FAT3: variants seen among roughly 807,000 people sequenced by gnomAD.
FAT3 encodes protocadherin Fat 3.
Under a neutral mutation model 310.2 loss-of-function variants are expected in FAT3, and 95 were observed. The ratio of observed to expected loss-of-function variants is 0.31; its 90% CI spans 0.26 to 0.36. FAT3 has a LOEUF of 0.36. FAT3 is among the 10% of genes least tolerant of loss of function. The pLI is 1.00. For missense variants in FAT3, 5,408 were observed against 5,715.6 expected (o/e 0.95, Z 1.74); for synonymous variants, 2,314 against 2,192.9 (o/e 1.06, Z -1.54).
At chr11:92,462,149 G>C (rs1314220062) in intron 2 of FAT3, among the ~76,000 whole-genome samples, 1 of 151,994 alleles carries the variant, frequency 6.6e-6, no homozygotes, top group Non-Finnish European at 1.5e-5. Flanking sequence ...TTTTGAGGTT[G>C]TTTTTATTTT....
At chr11:92,432,034 G>A (rs1443859131) in intron 2 of FAT3, among the ~76,000 whole-genome samples, 1 of 152,260 alleles carries the variant, frequency 6.6e-6, no homozygotes, top group Non-Finnish European at 1.5e-5. Flanking sequence ...ATTCTGTGAA[G>A]AAAGTCATTG....
chr11:92,392,349 G>T (rs1035882972), intron 2 of FAT3, among the ~76,000 whole-genome samples: 2 of 152,000 alleles, frequency 1.3e-5, no homozygotes, highest in African/African-American at 4.8e-5. Context: ...TTCTTATTTA[G>T]TGTTACTATT....
intron 1 of FAT3, among the ~76,000 whole-genome samples, chr11:92,269,290 A>G (rs1946056576): frequency 6.6e-6 from 1 of 152,142 alleles, no homozygotes; most frequent in Non-Finnish European, 1.5e-5. Flanking sequence ...CTGGCCATTT[A>G]GATCCCTGAC....
chr11:92,239,826 G>A (rs1370408096), intron 1 of FAT3, among the ~76,000 whole-genome samples: 1 of 152,070 alleles, frequency 6.6e-6, no homozygotes, highest in East Asian at 1.9e-4. Context: ...AAGAGTCTTT[G>A]AATCACAATT....
chr11:92,717,805 C>T (rs1169448480), intron 4 of FAT3, among the ~76,000 whole-genome samples: 1 of 152,088 alleles, frequency 6.6e-6, no homozygotes, highest in Non-Finnish European at 1.5e-5. Flanking sequence ...ATTGGGACCA[C>T]AACCCTCACT....
intron 2 of FAT3, among the ~76,000 whole-genome samples, chr11:92,415,144 G>A (rs1950380949): frequency 6.6e-6 from 1 of 152,152 alleles, no homozygotes; most frequent in African/African-American, 2.4e-5. Context: ...TGATGTGCTG[G>A]GAAAAGAAAA....
chr11:92,780,235 C>CA (rs1472156450), intron 7 of FAT3, among the ~76,000 whole-genome samples: 1 of 149,132 alleles, frequency 6.7e-6, no homozygotes, highest in Non-Finnish European at 1.5e-5. Flanking sequence ...AATCACGACT[C>CA]ACGGTAGCCT....
chr11:92,729,726 C>G (rs1341403901), intron 4 of FAT3, among the ~76,000 whole-genome samples: 1 of 151,884 alleles, frequency 6.6e-6, no homozygotes, highest in Non-Finnish European at 1.5e-5. Context: ...CACCTGGCCC[C>G]CAGACTGAAA....
chr11:92,360,001 G>T (rs1331649549), intron 2 of FAT3, among the ~76,000 whole-genome samples: 2 of 151,006 alleles, frequency 1.3e-5, no homozygotes, highest in Non-Finnish European at 1.5e-5. Context: ...ACCCAGTAAT[G>T]GGATGGCTGG....
At chr11:92,564,425 C>T (rs1363209686) in intron 3 of FAT3, among the ~76,000 whole-genome samples, 1 of 150,278 alleles carries the variant, frequency 6.7e-6, no homozygotes, top group African/African-American at 2.5e-5. Flanking sequence ...TAGACTCCCA[C>T]ACATTAATAA....
intron 7 of FAT3, among the ~76,000 whole-genome samples, chr11:92,781,072 A>ATT (rs1565588701): frequency 1.6e-5 from 2 of 126,250 alleles, no homozygotes; most frequent in African/African-American, 5.8e-5. Flanking sequence ...TCTTTTCTTT[A>ATT]TTCTTTTTTT....
chr11:92,306,676 C>A (rs1947137404), intron 1 of FAT3, among the ~76,000 whole-genome samples: 1 of 109,006 alleles, frequency 9.2e-6, no homozygotes, highest in Non-Finnish European at 1.8e-5. Context: ...AAGTGGAGAG[C>A]CTTGGAAGAG....
intron 4 of FAT3, among the ~76,000 whole-genome samples, chr11:92,754,426 C>T (rs1478050388): frequency 6.6e-6 from 1 of 151,428 alleles, no homozygotes; most frequent in African/African-American, 2.4e-5. Flanking sequence ...GAGATCGAGA[C>T]CATCCTGGCT....
chr11:92,792,395 G>A (rs1036099409), intron 8 of FAT3, among the ~76,000 whole-genome samples: 13 of 152,296 alleles, frequency 8.5e-5, no homozygotes, highest in African/African-American at 2.2e-4. Flanking sequence ...TGCTCCTGCA[G>A]AGGAGCCTCT....
chr11:92,488,964 A>G (rs1272665768), intron 2 of FAT3, among the ~76,000 whole-genome samples: 1 of 152,154 alleles, frequency 6.6e-6, no homozygotes, highest in Non-Finnish European at 1.5e-5. Context: ...AATATCTTCC[A>G]TATTAAAATT....
At chr11:92,818,103 T>C (rs183077181) in intron 13 of FAT3, among the ~76,000 whole-genome samples, 118 of 152,298 alleles carry the variant, frequency 7.7e-4, no homozygotes, top group South Asian at 4.8e-3. Flanking sequence ...CACTCCACTT[T>C]AAATTTGATA....
intron 3 of FAT3, among the ~76,000 whole-genome samples, chr11:92,672,905 G>T (rs978768028): frequency 6.6e-6 from 1 of 152,176 alleles, no homozygotes; most frequent in African/African-American, 2.4e-5. Context: ...TTTGGATTCC[G>T]AAGTAAAGGG....
chr11:92,251,635 C>G (rs1476841378), intron 1 of FAT3, among the ~76,000 whole-genome samples: 2 of 151,954 alleles, frequency 1.3e-5, no homozygotes, highest in African/African-American at 4.8e-5. Flanking sequence ...GTTTAAAAAT[C>G]ATCAGTTTAC....
At chr11:92,680,987 G>C (rs1360683326) in intron 3 of FAT3, among the ~76,000 whole-genome samples, 1 of 152,132 alleles carries the variant, frequency 6.6e-6, no homozygotes, top group Non-Finnish European at 1.5e-5. Flanking sequence ...AATTCAAATA[G>C]GACAAAAAGC....
Sources: gnomAD v4.1 joint callset for allele counts (sites outside exome capture counted in the v4.1 genomes callset) on GRCh38, gnomAD v4.1.1 for gene constraint, MANE v1.5 for transcripts, NCBI Gene and HGNC (gene_info 2026-07-23, HGNC 2026-07-21) for gene names.